Variants in IFNAR1 observed in about 807,000 individuals in gnomAD.
The protein encoded by IFNAR1 is interferon alpha and beta receptor subunit 1.
A neutral mutation model predicts 62.1 loss-of-function variants in IFNAR1; 47 were observed. The observed-to-expected ratio is 0.76, with a 90% CI of 0.60 to 0.97. The LOEUF is 0.97. Among genes scored for constraint, IFNAR1 ranks in the 50% least tolerant of loss-of-function variants. The pLI is 0.00. For missense variants in IFNAR1, 638 were observed against 654.5 expected (o/e 0.97, Z 0.27); for synonymous variants, 219 against 226.9 (o/e 0.97, Z 0.31).
At chr21:33,345,489 C>T (rs1015864728) in intron 6 of IFNAR1, 129 bp downstream of exon 6, 43 of 648,306 alleles carry the variant, frequency 6.6e-5, no homozygotes, top group East Asian at 1.7e-4. Context: ...ATATTGGAAA[C>T]GTGAGAAATC....
chr21:33,337,667 A>G (rs750142898), intron 2 of IFNAR1, among the ~76,000 whole-genome samples: 38 of 151,940 alleles, frequency 2.5e-4, no homozygotes, highest in African/African-American at 6.5e-4. Context: ...TATATACATT[A>G]CACTATATAT....
At chr21:33,340,972 C>T (rs1941206404) in intron 2 of IFNAR1, 27 bp from the exon 3 acceptor site, 3 of 1,452,414 alleles carry the variant, frequency 2.1e-6, no homozygotes, top group African/African-American at 1.4e-5. Context: ...TTTGCTCACT[C>T]ATTCATTTGT....
chr21:33,334,798 C>T (rs1426857825), intron 1 of IFNAR1: 13 of 822,370 alleles, frequency 1.6e-5, no homozygotes, highest in Non-Finnish European at 2.4e-5. Flanking sequence ...CCATCAGTGG[C>T]TATCCTACCA....
rs2083447639 is a variant in IFNAR1 at position 33,356,255 on chromosome 21, G to A, written c.*706G>A. The A allele has an allele frequency of 6.6e-6, 1 of 152,202 alleles. No homozygotes were observed. Among genetic ancestry groups the A allele is most frequent in the South Asian group, 2.1e-4 (1 of 4,834 alleles). 9.4% of individuals were successfully genotyped at this position (152,202 alleles called of 1,614,324 possible). On this transcript the variant is annotated 3_prime_UTR_variant, in exon 11 of 11. Coordinates refer to ENST00000270139, the MANE Select transcript of IFNAR1 (RefSeq NM_000629.3). The stretch of plus-strand genomic sequence containing the variant: ...GCTACTGCATGTGCCACACCTGTCT[G>A]TTCGCCATTCCTAACATTCTGTTTC...
chr21:33,348,766 C>G (rs17875831), intron 6 of IFNAR1, among the ~76,000 whole-genome samples: 2,728 of 152,004 alleles, frequency 0.018, 92 homozygotes, highest in African/African-American at 0.063. Context: ...TCCTACCACT[C>G]CACTCCAGCC....
chr21:33,348,004 G>A (rs1311872973), intron 6 of IFNAR1, among the ~76,000 whole-genome samples: 6 of 152,162 alleles, frequency 3.9e-5, no homozygotes, highest in African/African-American at 1.2e-4. Context: ...AGGTGCATGC[G>A]GCGACATGGT....
intron 1 of IFNAR1, 22 bp from the exon 2 acceptor site, chr21:33,335,502 T>A (rs2243592): frequency 6.2e-6 from 9 of 1,451,360 alleles, no homozygotes; most frequent in Non-Finnish European, 8.6e-6. Context: ...TATAATGTTC[T>A]TATTTCTTGT....
At chr21:33,335,501 C>G (rs750277944) in intron 1 of IFNAR1, 23 bp from the exon 2 acceptor site, 1 of 1,436,534 alleles carries the variant, frequency 7.0e-7, no homozygotes, top group South Asian at 1.2e-5. Flanking sequence ...ATATAATGTT[C>G]TTATTTCTTG....
chr21:33,341,017 G>C lies in IFNAR1; in HGVS notation c.219G>C (p.Trp73Cys), dbSNP rs181939581. 6.2e-7 allele frequency: 1 copy of C among 1,609,264 alleles called. No individual in the cohort carries two copies. Among genetic ancestry groups the C allele is most frequent in the Non-Finnish European group, 8.5e-7 (1 of 1,176,530 alleles). The change falls in exon 3 of 11, where the codon TGG becomes TGC. Residue 73 changes from tryptophan (W) to cysteine (C), a missense_variant. Trp to Cys is a radical substitution (Grantham distance 215). Coordinates refer to ENST00000270139, the MANE Select transcript of IFNAR1 (RefSeq NM_000629.3). ...FDYQKTGMDN[W>C]IKLSGCQNIT... ...TTTAAAGAACTGGGATGGATAATTG[G>C]ATAAAATTGTCTGGGTGTCAGAATA...
intron 1 of IFNAR1, among the ~76,000 whole-genome samples, chr21:33,328,029 G>A (rs975561680): frequency 5.3e-5 from 8 of 152,338 alleles, no homozygotes; most frequent in Admixed American, 2.0e-4. Flanking sequence ...CACTGGCCGC[G>A]TGCAGCCCAT....
chr21:33,340,178 A>G (rs1289000144), intron 2 of IFNAR1, among the ~76,000 whole-genome samples: 1 of 151,850 alleles, frequency 6.6e-6, no homozygotes, highest in East Asian at 1.9e-4. Flanking sequence ...GTGGTTTCTG[A>G]TGATGTAATA....
chr21:33,330,625 A>G (rs554687134), intron 1 of IFNAR1, among the ~76,000 whole-genome samples: 1 of 152,252 alleles, frequency 6.6e-6, no homozygotes, highest in South Asian at 2.1e-4. Flanking sequence ...TCCCCTCATA[A>G]GACAGCCAGA....
intron 5 of IFNAR1, among the ~76,000 whole-genome samples, chr21:33,344,171 A>G (rs1158268637): frequency 6.6e-6 from 1 of 152,234 alleles, no homozygotes; most frequent in Non-Finnish European, 1.5e-5. Context: ...GAAAAAAAAA[A>G]AAGTTCAAAT....
chr21:33,355,193 A>G, intron 10 of IFNAR1, 123 bp from the exon 11 acceptor site: 1 of 580,176 alleles, frequency 1.7e-6, no homozygotes, highest in Non-Finnish European at 3.0e-6. Context: ...ACTTTTTAAT[A>G]TGCATGCCAG....
intron 6 of IFNAR1, among the ~76,000 whole-genome samples, chr21:33,346,247 T>G (rs749816958): frequency 6.6e-6 from 1 of 151,956 alleles, no homozygotes; most frequent in Non-Finnish European, 1.5e-5. Context: ...GAAAGAAAGA[T>G]ATACATTGGT....
chr21:33,353,617 A>G (rs777520340), intron 9 of IFNAR1, 21 bp from the exon 10 acceptor site: 4 of 1,426,760 alleles, frequency 2.8e-6, no homozygotes, highest in Non-Finnish European at 3.8e-6. Flanking sequence ...TATATGCTAA[A>G]TATCACGTAT....
chr21:33,355,211 G>C (rs1414654825), intron 10 of IFNAR1, 105 bp from the exon 11 acceptor site: 4 of 622,322 alleles, frequency 6.4e-6, no homozygotes, highest in Non-Finnish European at 1.1e-5. Context: ...CAGAAGATAG[G>C]TTTTCTCAGT....
At chr21:33,343,965 C>T (rs2083319470) in intron 5 of IFNAR1, among the ~76,000 whole-genome samples, 1 of 152,130 alleles carries the variant, frequency 6.6e-6, no homozygotes, top group South Asian at 2.1e-4. Flanking sequence ...AGAACAGCCT[C>T]GCCAACATGG....
At position 33,357,540 on chromosome 21, in the gene IFNAR1, T is replaced by C. The variant is rs1348182857; in HGVS notation, c.*1991T>C. ...TTCTGACCAGAGGCTGTTTTTTTTT[T>C]TTTTTGAGACAGTCTCATTCTGTTG... On this transcript the variant is annotated 3_prime_UTR_variant, in exon 11 of 11. Coordinates refer to ENST00000270139, the MANE Select transcript of IFNAR1 (RefSeq NM_000629.3). 6.6e-6 allele frequency: 1 copy of C among 151,856 alleles called. No individual in the cohort carries two copies. Among genetic ancestry groups the C allele is most frequent in the African/African-American group, 2.4e-5 (1 of 41,198 alleles). The allele number at this position is 151,856 out of a possible 1,614,324, so 9.4% of individuals were successfully genotyped here. A position where few individuals can be genotyped will look rare whatever the true frequency, so the allele number is the denominator to read the frequency against.
Sources: allele counts gnomAD v4.1 joint callset (sites outside exome capture counted in the v4.1 genomes callset), GRCh38; gene constraint gnomAD v4.1.1; transcripts MANE v1.5; gene names NCBI Gene and HGNC (gene_info 2026-07-23, HGNC 2026-07-21).